AGAP1: variants seen among roughly 807,000 people sequenced by gnomAD.
AGAP1 encodes arf-GAP with GTPase, ANK repeat and PH domain-containing protein 1.
Under a neutral mutation model 105.3 loss-of-function variants are expected in AGAP1, and 29 were observed. That is an observed-to-expected ratio of 0.28 (90% confidence interval 0.21 to 0.38). The LOEUF is 0.38. AGAP1 is among the 10% of genes least tolerant of loss of function. The probability of loss-of-function intolerance (pLI) is 1.00; values close to 1 mark genes in which losing one functional copy is unlikely to be tolerated. For missense variants in AGAP1, 998 were observed against 1,165.1 expected (o/e 0.86, Z 2.09); for synonymous variants, 509 against 485.9 (o/e 1.05, Z -0.63).
rs764350710 is a variant in AGAP1, at chr2:236,127,215, C to T, written c.*3093C>T. 9 of 152,196 alleles carry T rather than the reference C, an allele frequency of 5.9e-5. No individual in the cohort carries two copies. The highest frequency in any genetic ancestry group is 2.1e-4 in the South Asian group (1 of 4,824). 9.4% of individuals were successfully genotyped at this position (152,196 alleles called of 1,614,324 possible). ...AGACCTGGCTGCAGCAGAAACACCC[C>T]GCAGGGACAGTACTCTGTGATTCTG... is the stretch of plus-strand genomic sequence containing the variant. On this transcript the variant is annotated 3_prime_UTR_variant, in exon 18 of 18. Coordinates refer to ENST00000304032, the MANE Select transcript of AGAP1 (RefSeq NM_001037131.3). The surrounding 1 kb of genome is among the most constrained non-coding windows in gnomAD (Gnocchi z 6.6).
chr2:235,760,024 TGA>T (rs1187823993), intron 6 of AGAP1, among the ~76,000 whole-genome samples: 11 of 152,196 alleles, frequency 7.2e-5, no homozygotes, highest in Non-Finnish European at 1.2e-4. Context: ...GTTTTACTGA[TGA>T]GAGAAGCTTC....
chr2:235,567,241 T>C (rs1164302365), intron 1 of AGAP1, among the ~76,000 whole-genome samples: 1 of 152,222 alleles, frequency 6.6e-6, no homozygotes, highest in African/African-American at 2.4e-5. Context: ...CTCTCTTCTT[T>C]CCTGTCCTGG....
chr2:235,694,276 G>A (rs939716413), intron 1 of AGAP1, among the ~76,000 whole-genome samples: 13 of 147,798 alleles, frequency 8.8e-5, no homozygotes, highest in Non-Finnish European at 1.6e-4. Flanking sequence ...TCAGGAGATC[G>A]AGACCATCCT....
At position 236,119,559 on chromosome 2, in the gene AGAP1, G is replaced by A. The variant is rs147039452; in HGVS notation, c.2115-633G>A. Among the ~76,000 whole-genome samples, 1,627 of 152,108 alleles carry A rather than the reference G, an allele frequency of 0.011. 25 individuals are homozygous for A. The highest frequency in any genetic ancestry group is 0.034 in the African/African-American group (1,412 of 41,470). ...ATGGTCACCCCCAGGTGTGGGGAGC[G>A]CACCGGCTGTCCCTTCCCCCCACCC... On this transcript the variant is annotated intron_variant, in intron 16 of 17. Transcript: ENST00000304032. The surrounding 1 kb of genome is among the most constrained non-coding windows in gnomAD (Gnocchi z 6.6).
intron 1 of AGAP1, among the ~76,000 whole-genome samples, chr2:235,695,756 A>G (rs867661440): frequency 1.3e-5 from 2 of 152,196 alleles, no homozygotes; most frequent in Non-Finnish European, 1.5e-5. Context: ...AGGGGCACAA[A>G]GAAACCATGC....
At chr2:235,687,442 A>G (rs1276807294) in intron 1 of AGAP1, among the ~76,000 whole-genome samples, 3 of 152,158 alleles carry the variant, frequency 2.0e-5, no homozygotes, top group African/African-American at 7.2e-5. Flanking sequence ...TCCAGATTTC[A>G]TTTGTAGTTG....
chr2:235,833,837 C>T (rs1186593719), intron 9 of AGAP1, among the ~76,000 whole-genome samples: 1 of 147,314 alleles, frequency 6.8e-6, no homozygotes, highest in East Asian at 2.0e-4. Context: ...GTGCATCTCA[C>T]TCCAATCCTC....
At chr2:235,657,943 G>A (rs562479619) in intron 1 of AGAP1, among the ~76,000 whole-genome samples, 10 of 152,268 alleles carry the variant, frequency 6.6e-5, no homozygotes, top group African/African-American at 1.4e-4. Context: ...GGGGGAAGAC[G>A]GCATGTCCAA....
In AGAP1 at chr2:235,864,095, C is replaced by T. The variant is rs1024019813; in HGVS notation, c.1051-19250C>T. Among the ~76,000 whole-genome samples, 1 of 152,210 alleles carries T rather than the reference C, an allele frequency of 6.6e-6. No homozygotes were observed. Among genetic ancestry groups the T allele is most frequent in the African/African-American group, 2.4e-5 (1 of 41,450 alleles). On this transcript the variant is annotated intron_variant, in intron 9 of 17. Coordinates refer to ENST00000304032, the MANE Select transcript of AGAP1 (RefSeq NM_001037131.3). This position sits in a 1 kb window ranked among gnomAD's most constrained non-coding sequence, Gnocchi z 5.0. ...ATCTGACTTGAATGCGCAAGCGGGC[C>T]GTTCCCACGTGATTTAATAAACAGT...
chr2:235,813,210 A>C (rs779251318), intron 9 of AGAP1, among the ~76,000 whole-genome samples: 1 of 152,216 alleles, frequency 6.6e-6, no homozygotes, highest in Non-Finnish European at 1.5e-5. Context: ...GGTGGGTGAC[A>C]ATATGTTCCT....
In AGAP1 at chr2:235,900,246, A is replaced by AGT. The variant is rs1230772939; in HGVS notation, c.1156-8491_1156-8490dup. ...ATACTCTTCCTTACCTCCATGATGG[A>AGT]GTAGTAGACTGATTTCATCTTGATA... is the stretch of plus-strand genomic sequence containing the variant. On this transcript the variant is annotated intron_variant, in intron 10 of 17. Coordinates refer to ENST00000304032, the MANE Select transcript of AGAP1 (RefSeq NM_001037131.3). The surrounding 1 kb of genome is among the most constrained non-coding windows in gnomAD (Gnocchi z 5.5). 6.6e-6 allele frequency among the ~76,000 whole-genome samples: 1 copy of AGT among 152,230 alleles called. No individual in the cohort carries two copies. Among genetic ancestry groups the AGT allele is most frequent in the Non-Finnish European group, 1.5e-5 (1 of 68,048 alleles).
chr2:235,978,645 C>T (rs2054958167), intron 13 of AGAP1, among the ~76,000 whole-genome samples: 1 of 152,204 alleles, frequency 6.6e-6, no homozygotes, highest in Non-Finnish European at 1.5e-5. Context: ...TGCATTTCAT[C>T]TGTTAACCTG....
intron 13 of AGAP1, among the ~76,000 whole-genome samples, chr2:236,011,467 C>T (rs2056510907): frequency 6.6e-6 from 1 of 152,204 alleles, no homozygotes; most frequent in Non-Finnish European, 1.5e-5. Flanking sequence ...CTGAGACATC[C>T]TGCCGCATAC....
At chr2:235,978,049 G>C (rs184153875) in intron 13 of AGAP1, among the ~76,000 whole-genome samples, 22 of 152,224 alleles carry the variant, frequency 1.4e-4, no homozygotes, top group African/African-American at 2.4e-4. Flanking sequence ...CACACACACA[G>C]AGAGAGAAGC....
Position 235,927,621 on chromosome 2 carries a change from ATTGACTTGGCTCTCCTTACT to A in AGAP1, c.1325-3143_1325-3124del, listed in dbSNP as rs2052517411. ...TCGTGGTCCCTTGTCTGGGGTTGAG[ATTGACTTGGCTCTCCTTACT>A]GTGTGTTGATACTTACTTCTGGAGC... is the stretch of plus-strand genomic sequence containing the variant. On this transcript the variant is annotated intron_variant, in intron 11 of 17. Coordinates refer to ENST00000304032, the MANE Select transcript of AGAP1 (RefSeq NM_001037131.3). The surrounding 1 kb of genome is among the most constrained non-coding windows in gnomAD (Gnocchi z 4.4). Among the ~76,000 whole-genome samples, 1 of 152,172 alleles carries A rather than the reference ATTGACTTGGCTCTCCTTACT, an allele frequency of 6.6e-6. No homozygotes were observed. Among genetic ancestry groups the A allele is most frequent in the South Asian group, 2.1e-4 (1 of 4,830 alleles).
chr2:235,893,475 C>T lies in AGAP1; in HGVS notation c.1155+10026C>T, dbSNP rs1381650487. Among the ~76,000 whole-genome samples, 1 of 148,320 alleles carries T rather than the reference C, an allele frequency of 6.7e-6. No individual in the cohort carries two copies. ...GTCTGTGGTGCGGGTGCACCATGTC[C>T]ATCATAAGGGTGAGCCATGTTTGTG... On this transcript the variant is annotated intron_variant, in intron 10 of 17. Transcript: ENST00000304032. The surrounding 1 kb of genome is among the most constrained non-coding windows in gnomAD (Gnocchi z 4.7).
chr2:235,942,054 C>G (rs1158214706), intron 12 of AGAP1, among the ~76,000 whole-genome samples: 1 of 152,194 alleles, frequency 6.6e-6, no homozygotes, highest in Admixed American at 6.5e-5. Flanking sequence ...GAGCATTCCT[C>G]TAGACTCAAG....
intron 1 of AGAP1, among the ~76,000 whole-genome samples, chr2:235,616,792 T>A (rs1946320498): frequency 6.6e-6 from 1 of 152,208 alleles, no homozygotes; most frequent in Non-Finnish European, 1.5e-5. Context: ...AAAACAAAAT[T>A]CTGAACGTAT....
intron 16 of AGAP1, among the ~76,000 whole-genome samples, chr2:236,057,611 A>G (rs1033897726): frequency 1.3e-5 from 2 of 151,594 alleles, no homozygotes; most frequent in Admixed American, 6.6e-5. Context: ...CTGACCCAAC[A>G]CTGCGTTTTG....
Sources: allele counts gnomAD v4.1 joint callset (sites outside exome capture counted in the v4.1 genomes callset), GRCh38; gene constraint gnomAD v4.1.1; non-coding constraint Gnocchi (gnomAD v3.1); transcripts MANE v1.5; gene names NCBI Gene and HGNC (gene_info 2026-07-23, HGNC 2026-07-21).